The following TTC6 variants were observed in gnomAD, a reference collection of about 807,000 sequenced individuals.
The protein encoded by TTC6 is tetratricopeptide repeat protein 6.
In TTC6, 172 loss-of-function variants were observed where a neutral mutation model predicts 210.4. The ratio of observed to expected loss-of-function variants is 0.82; its 90% CI spans 0.72 to 0.93. The LOEUF is 0.93. TTC6 is among the 40% of genes least tolerant of loss of function. TTC6 has a pLI of 0.00. For missense variants in TTC6, 2,414 were observed against 2,318.1 expected (o/e 1.04, Z -0.85); for synonymous variants, 804 against 819.6 (o/e 0.98, Z 0.32).
chr14:37,644,469 T>C (rs1228877948), intron 1 of TTC6, among the ~76,000 whole-genome samples: 2 of 152,216 alleles, frequency 1.3e-5, no homozygotes, highest in African/African-American at 2.4e-5. Context: ...ACACCACTTC[T>C]GCTTATATTT....
exon 1 of TTC6, chr14:37,622,593 C>T (rs2095653339): frequency 8.5e-6 from 13 of 1,534,104 alleles, no homozygotes; most frequent in Non-Finnish European, 1.1e-5. Context: ...GGCTCCCAGG[C>T]GGGTCTTCCA....
Position 37,797,780 on chromosome 14 carries a change from T to C in TTC6, c.4029+833T>C, listed in dbSNP as rs182412152. The stretch of plus-strand genomic sequence containing the variant: ...CTATTTTCTTTGGAAAGTTTAAGTT[T>C]TCCTTTTTCCATTTAAGACCCTACT... On this transcript the variant is annotated intron_variant, in intron 20 of 30. Coordinates refer to ENST00000553443, the Ensembl canonical transcript of TTC6. 5.9e-5 allele frequency among the ~76,000 whole-genome samples: 9 copies of C among 152,220 alleles called. No individual in the cohort carries two copies. In the East Asian group the frequency reaches 1.5e-3, roughly 26 times the overall value.
Position 37,701,312 on chromosome 14 carries a change from C to T in TTC6, c.1377-20C>T, listed in dbSNP as rs529726653. The stretch of plus-strand genomic sequence containing the variant: ...TCCACAAAATGATGAAAGGAGCTCA[C>T]TTTCTTTTCTCTGTTGCAGAATTCC... On this transcript the variant is annotated intron_variant, in intron 4 of 30. Coordinates refer to ENST00000553443, the Ensembl canonical transcript of TTC6. 126 of 1,364,958 alleles carry T rather than the reference C, an allele frequency of 9.2e-5. No homozygotes were observed. In the East Asian group the frequency reaches 1.9e-3, roughly 21 times the overall value. The allele number at this position is 1,364,958 out of a possible 1,614,324, so 84.6% of individuals were successfully genotyped here.
At chr14:37,796,936 A>C (rs1473972553) in exon 20 of TTC6, 2 of 1,598,732 alleles carry the variant, frequency 1.3e-6, no homozygotes. Flanking sequence ...AATGAAGGCC[A>C]AGAGAACCAA....
chr14:37,761,299 T>C (rs2095983798), intron 14 of TTC6, among the ~76,000 whole-genome samples: 1 of 151,854 alleles, frequency 6.6e-6, no homozygotes, highest in Admixed American at 6.6e-5. Flanking sequence ...CACCCCACCC[T>C]GCTTCTGCTT....
chr14:37,729,378 T>A (rs771959499), intron 7 of TTC6, among the ~76,000 whole-genome samples: 3 of 152,208 alleles, frequency 2.0e-5, no homozygotes, highest in Admixed American at 6.5e-5. Flanking sequence ...TGCTCACATC[T>A]GCTTCAAGAA....
chr14:37,682,694 C>T, intron 2 of TTC6, 64 bp from the exon 5 acceptor site: 4 of 1,350,248 alleles, frequency 3.0e-6, no homozygotes, highest in Non-Finnish European at 3.0e-6. Flanking sequence ...ACTGTTGCAT[C>T]ACTGAAAAGC....
chr14:37,651,403 ATATATATATATATATATATATATTTTTTT>A (rs1566864112), intron 1 of TTC6, among the ~76,000 whole-genome samples: 5 of 14,346 alleles, frequency 3.5e-4, no homozygotes, highest in African/African-American at 1.5e-3. Context: ...ATATATATAT[ATATATATATATATATATATATATTTTTTT>A]TTTTTTTTTT....
chr14:37,831,304 A>G (rs1175773193), intron 29 of TTC6, among the ~76,000 whole-genome samples: 1 of 151,994 alleles, frequency 6.6e-6, no homozygotes, highest in Non-Finnish European at 1.5e-5. Context: ...TATGCAACAC[A>G]TTTTCTTTAT....
intron 1 of TTC6, among the ~76,000 whole-genome samples, chr14:37,657,423 G>T (rs1406140235): frequency 1.3e-5 from 2 of 151,592 alleles, no homozygotes; most frequent in African/African-American, 4.8e-5. Context: ...GCTGCGTGGG[G>T]AACTACCCAG....
chr14:37,606,970 GT>G (rs2095626344), intron 2 of TTC6, among the ~76,000 whole-genome samples: 1 of 152,188 alleles, frequency 6.6e-6, no homozygotes, highest in Non-Finnish European at 1.5e-5. Context: ...TGACATAATT[GT>G]TAAAGTAACT....
chr14:37,650,513 A>G (rs922766719), intron 1 of TTC6, among the ~76,000 whole-genome samples: 2 of 152,172 alleles, frequency 1.3e-5, no homozygotes, highest in Non-Finnish European at 2.9e-5. Flanking sequence ...TTGTAAAGTG[A>G]AAGTAAATAG....
At chr14:37,816,492 T>C (rs1241772230) in intron 25 of TTC6, among the ~76,000 whole-genome samples, 2 of 152,136 alleles carry the variant, frequency 1.3e-5, no homozygotes, top group African/African-American at 2.4e-5. Context: ...GGATTTCCTT[T>C]TGCCACTCCA....
intron 14 of TTC6, among the ~76,000 whole-genome samples, chr14:37,783,594 T>G (rs1015155635): frequency 1.3e-5 from 2 of 152,182 alleles, no homozygotes; most frequent in African/African-American, 4.8e-5. Context: ...CCTGGATTCA[T>G]TGATTTTTTG....
At chr14:37,733,263 T>G (rs1183098964) in intron 7 of TTC6, among the ~76,000 whole-genome samples, 1 of 152,238 alleles carries the variant, frequency 6.6e-6, no homozygotes, top group Admixed American at 6.5e-5. Flanking sequence ...TTTCATTTTA[T>G]GTAATATACC....
intron 1 of TTC6, among the ~76,000 whole-genome samples, chr14:37,640,178 AT>A (rs2095689138): frequency 6.6e-6 from 1 of 152,016 alleles, no homozygotes; most frequent in South Asian, 2.1e-4. Flanking sequence ...GAAAAATGAT[AT>A]GCTAATTTAT....
chr14:37,788,131 G>T (rs1260368211), intron 15 of TTC6, among the ~76,000 whole-genome samples: 1 of 152,016 alleles, frequency 6.6e-6, no homozygotes, highest in Non-Finnish European at 1.5e-5. Flanking sequence ...ACTAAAAATA[G>T]GTTTTGAGAA....
chr14:37,722,592 C>T (rs1221364997), intron 6 of TTC6, among the ~76,000 whole-genome samples: 1 of 152,170 alleles, frequency 6.6e-6, no homozygotes, highest in African/African-American at 2.4e-5. Flanking sequence ...GTCCTCCAGC[C>T]TTGGCCTCCC....
intron 29 of TTC6, among the ~76,000 whole-genome samples, chr14:37,828,146 T>C (rs2096176644): frequency 6.6e-6 from 1 of 152,104 alleles, no homozygotes; most frequent in Non-Finnish European, 1.5e-5. Flanking sequence ...CCTTAATCTC[T>C]TTGGACTTCA....
Sources: gnomAD v4.1 joint callset for allele counts (sites outside exome capture counted in the v4.1 genomes callset) on GRCh38, gnomAD v4.1.1 for gene constraint, MANE v1.5 for transcripts, NCBI Gene and HGNC (gene_info 2026-07-23, HGNC 2026-07-21) for gene names.